The following EPB41 variants were observed in gnomAD, a reference collection of about 807,000 sequenced individuals.
EPB41 encodes the protein protein 4.1.
EPB41 carries 65 observed loss-of-function variants against 108.0 expected under a neutral mutation model. That is an observed-to-expected ratio of 0.60 (90% CI 0.49 to 0.74). EPB41 has a LOEUF of 0.74. Ranked by LOEUF, EPB41 falls within the 30% of genes least tolerant of loss-of-function variation. The pLI, the probability that EPB41 is intolerant of heterozygous loss-of-function variation, is 0.00. For synonymous variants in EPB41, 336 were observed against 358.9 expected, an observed-to-expected ratio of 0.94 and a Z score of 0.72; for missense variants, 875 against 1,037.0, an observed-to-expected ratio of 0.84 and a Z score of 2.15.
rs921885275 is a variant in EPB41, at chr1:29,120,037, AAG to A, written c.*3227_*3228del. The A allele has an allele frequency of 5.9e-5, 9 of 152,634 alleles. No homozygotes were observed. Among genetic ancestry groups the A allele is most frequent in the Non-Finnish European group, 1.2e-4 (8 of 68,038 alleles). 9.5% of individuals were successfully genotyped at this position (152,634 alleles called of 1,614,324 possible). A position where few individuals can be genotyped will look rare whatever the true frequency, so the allele number is the denominator to read the frequency against. On this transcript the variant is annotated 3_prime_UTR_variant, in exon 21 of 21. Transcript: ENST00000343067. ...ATTTTTTTCAATAAACAACAACAAA[AAG>A]AACTCTCTCTGTGAGGATTGATCCA...
intron 11 of EPB41, among the ~76,000 whole-genome samples, chr1:29,050,388 CA>C: frequency 6.6e-6 from 1 of 152,252 alleles, no homozygotes; most frequent in Non-Finnish European, 1.5e-5. Flanking sequence ...GGCAAAATAA[CA>C]CATGGTGAAA....
intron 16 of EPB41, among the ~76,000 whole-genome samples, chr1:29,092,039 T>C (rs1344044329): frequency 6.6e-6 from 1 of 151,902 alleles, no homozygotes; most frequent in Non-Finnish European, 1.5e-5. Context: ...AGTACTACAG[T>C]GTGTAAGCTG....
intron 11 of EPB41, among the ~76,000 whole-genome samples, chr1:29,051,565 T>C (rs773379058): frequency 2.0e-5 from 3 of 152,184 alleles, no homozygotes; most frequent in Non-Finnish European, 4.4e-5. Flanking sequence ...GGAAAGTCTA[T>C]AATAAAAATT....
chr1:29,037,334 G>T (rs534501366), intron 10 of EPB41, among the ~76,000 whole-genome samples: 1 of 151,876 alleles, frequency 6.6e-6, no homozygotes, highest in Non-Finnish European at 1.5e-5. Context: ...TGCTCGCCTC[G>T]GCCTCCCAGA....
intron 1 of EPB41, among the ~76,000 whole-genome samples, chr1:28,959,515 C>A (rs1478106745): frequency 6.6e-6 from 1 of 152,006 alleles, no homozygotes; most frequent in Non-Finnish European, 1.5e-5. Flanking sequence ...CCGCACCCAG[C>A]CAAAAGTTTG....
At chr1:29,076,829 C>A (rs1460226732) in intron 16 of EPB41, among the ~76,000 whole-genome samples, 1 of 152,074 alleles carries the variant, frequency 6.6e-6, no homozygotes, top group Non-Finnish European at 1.5e-5. Flanking sequence ...ATTGCTTGAG[C>A]CCGGGAGCTC....
chr1:28,894,319 G>C (rs900633584), intron 1 of EPB41, among the ~76,000 whole-genome samples: 2 of 152,190 alleles, frequency 1.3e-5, no homozygotes, highest in Admixed American at 6.5e-5. Context: ...GATATTTATT[G>C]ACTGTTTATG....
chr1:28,889,742 G>A lies in EPB41; in HGVS notation c.-8+2532G>A, dbSNP rs189341639. The A allele has an allele frequency of 1.0e-5, 9 of 896,502 alleles. No homozygotes were observed. The African/African-American group carries it at 1.6e-4, about 16-fold the overall frequency. The allele number at this position is 896,502 out of a possible 1,614,324, so 55.5% of individuals were successfully genotyped here. On this transcript the variant is annotated intron_variant, in intron 1 of 16. Transcript: ENST00000347529. ...GGAGTGAGGAGGGGAGGTGCAAGGA[G>A]GGACTCCTGGAGAGGAATCCTGAGC...
intron 1 of EPB41, among the ~76,000 whole-genome samples, chr1:28,921,636 A>G (rs991805012): frequency 1.3e-5 from 2 of 151,860 alleles, no homozygotes; most frequent in Admixed American, 1.3e-4. Context: ...GAGGATCGAC[A>G]CTGTTGCCAG....
At chr1:28,973,494 ATTC>A (rs1300771898) in intron 1 of EPB41, among the ~76,000 whole-genome samples, 6 of 152,088 alleles carry the variant, frequency 3.9e-5, no homozygotes, top group Admixed American at 6.6e-5. Context: ...GGCTCAAGCA[ATTC>A]TTCTGCCTCA....
chr1:29,051,122 A>T (rs1261957519), intron 11 of EPB41, among the ~76,000 whole-genome samples: 2 of 84,580 alleles, frequency 2.4e-5, no homozygotes, highest in South Asian at 4.6e-4. Context: ...TTTTTTGGAG[A>T]CAGTCTGGCT....
chr1:29,085,216 C>T (rs1237393690), intron 16 of EPB41, among the ~76,000 whole-genome samples: 2 of 145,104 alleles, frequency 1.4e-5, no homozygotes, highest in Non-Finnish European at 3.0e-5. Flanking sequence ...GACCTTGGCT[C>T]ACTGCAACCT....
At chr1:29,102,969 C>T (rs1263796866) in intron 17 of EPB41, among the ~76,000 whole-genome samples, 2 of 152,108 alleles carry the variant, frequency 1.3e-5, no homozygotes, top group East Asian at 1.9e-4. Flanking sequence ...GACGGGGTTT[C>T]ACCATGTTGG....
chr1:29,057,780 T>C (rs1033334208), intron 12 of EPB41, among the ~76,000 whole-genome samples: 1 of 152,194 alleles, frequency 6.6e-6, no homozygotes, highest in East Asian at 1.9e-4. Flanking sequence ...ATGATGTTAC[T>C]AAAGGTATTT....
rs2096582306 is a variant in EPB41 at position 29,016,583 on chromosome 1, T to G, written c.905+816T>G. On this transcript the variant is annotated intron_variant, in intron 6 of 20. Coordinates refer to ENST00000343067, the MANE Select transcript of EPB41 (RefSeq NM_001376013.1). ...CTTTTAAAATGTTTGATGAAGTACT[T>G]AATCCCCTGAACTGAATCTTCCTTG... Among the ~76,000 whole-genome samples, 3 of 152,130 alleles carry G rather than the reference T, an allele frequency of 2.0e-5. No homozygotes were observed. In the South Asian group the frequency reaches 6.2e-4, roughly 31 times the overall value.
intron 1 of EPB41, among the ~76,000 whole-genome samples, chr1:28,959,460 ACCC>A (rs2095109908): frequency 6.6e-6 from 1 of 151,782 alleles, no homozygotes; most frequent in Non-Finnish European, 1.5e-5. Flanking sequence ...CAAGTAGTCC[ACCC>A]GCCTCGGCCT....
At chr1:29,003,211 A>G (rs1192315453) in intron 4 of EPB41, among the ~76,000 whole-genome samples, 2 of 152,250 alleles carry the variant, frequency 1.3e-5, no homozygotes, top group Non-Finnish European at 2.9e-5. Flanking sequence ...AGTAAAGTTC[A>G]TAGTAAATCA....
At position 28,902,109 on chromosome 1, in the gene EPB41, C is replaced by T. The variant is rs2091377274; in HGVS notation, c.-8+14899C>T. 6 of 933,064 alleles carry T rather than the reference C, an allele frequency of 6.4e-6. No homozygotes were observed. The South Asian group carries it at 3.0e-4, about 46-fold the overall frequency. The allele number at this position is 933,064 out of a possible 1,614,324, so 57.8% of individuals were successfully genotyped here. On this transcript the variant is annotated intron_variant, in intron 1 of 16. Transcript: ENST00000347529. ...AACTGATGACTATATGAAGCCTGTT[C>T]TCTCTGGATCTAGGAATATTTTGAG... is the stretch of plus-strand genomic sequence containing the variant.
chr1:29,080,328 T>A (rs1656028574), intron 16 of EPB41, among the ~76,000 whole-genome samples: 2 of 151,902 alleles, frequency 1.3e-5, no homozygotes, highest in African/African-American at 2.4e-5. Context: ...TCTTGAACTC[T>A]GGACCTCAAA....
Sources: allele counts gnomAD v4.1 joint callset (sites outside exome capture counted in the v4.1 genomes callset), GRCh38; gene constraint gnomAD v4.1.1; transcripts MANE v1.5; gene names NCBI Gene and HGNC (gene_info 2026-07-23, HGNC 2026-07-21).